The following CERS3 variants were observed in gnomAD, a reference collection of about 807,000 sequenced individuals.
CERS3 encodes ceramide synthase 3.
In CERS3, 33 loss-of-function variants were observed where a neutral mutation model predicts 50.3. The observed-to-expected ratio is 0.66, with a 90% confidence interval of 0.50 to 0.88. The LOEUF is 0.88. Ranked by LOEUF, CERS3 falls within the 40% of genes least tolerant of loss-of-function variation. The pLI is 0.00. For synonymous variants in CERS3, 176 were observed against 155.2 expected, an observed-to-expected ratio of 1.13 and a Z score of -0.99; for missense variants, 470 against 460.3, an observed-to-expected ratio of 1.02 and a Z score of -0.19.
chr15:100,460,601 C>T (rs1244665363), intron 10 of CERS3, among the ~76,000 whole-genome samples: 2 of 152,130 alleles, frequency 1.3e-5, no homozygotes, highest in Non-Finnish European at 2.9e-5. Flanking sequence ...CAAAAGTTTC[C>T]ATGTAATTCT....
chr15:100,503,665 T>C (rs770139461), intron 2 of CERS3: 9 of 470,500 alleles, frequency 1.9e-5, no homozygotes, highest in Admixed American at 4.7e-5. Context: ...GAATGAGGAC[T>C]GGATTTCAAG....
chr15:100,537,741 C>T (rs1397132499), intron 1 of CERS3, among the ~76,000 whole-genome samples: 2 of 152,276 alleles, frequency 1.3e-5, no homozygotes, highest in East Asian at 3.9e-4. Flanking sequence ...GACAACCAAA[C>T]CATATCATCT....
rs1217959206 is a variant in CERS3 at position 100,401,569 on chromosome 15, A to G, written c.*1144T>C. On this transcript the variant is annotated 3_prime_UTR_variant, in exon 12 of 12. Coordinates refer to ENST00000679737, the MANE Select transcript of CERS3 (RefSeq NM_001378789.1). ...TTTATGGCCTTTTGTGTTGTGTTTC[A>G]CTGTGATGCAGGCTGATTGGGTTGG... is the stretch of plus-strand genomic sequence containing the variant. The G allele has an allele frequency of 1.3e-5, 2 of 152,162 alleles. No homozygotes were observed. Among genetic ancestry groups the G allele is most frequent in the African/African-American group, 2.4e-5 (1 of 41,380 alleles). The allele number at this position is 152,162 out of a possible 1,614,324, so 9.4% of individuals were successfully genotyped here.
intron 11 of CERS3, among the ~76,000 whole-genome samples, chr15:100,405,861 A>T (rs1267192779): frequency 2.0e-5 from 3 of 152,264 alleles, no homozygotes; most frequent in Non-Finnish European, 4.4e-5. Flanking sequence ...ATTTCTTTTT[A>T]AAAAGCAAAT....
chr15:100,466,663 C>G (rs1409585979), intron 10 of CERS3, among the ~76,000 whole-genome samples: 1 of 66,658 alleles, frequency 1.5e-5, no homozygotes, highest in Non-Finnish European at 5.2e-5. Context: ...TTCCAGCGGA[C>G]AGCCCCCAGC....
intron 11 of CERS3, among the ~76,000 whole-genome samples, chr15:100,421,439 C>A (rs1273020129): frequency 6.6e-6 from 1 of 152,132 alleles, no homozygotes; most frequent in East Asian, 1.9e-4. Context: ...AAAGAGGATA[C>A]AAACAAATGG....
At chr15:100,476,272 C>A in intron 7 of CERS3, 94 bp from the exon 8 acceptor site, 1 of 605,014 alleles carries the variant, frequency 1.7e-6, no homozygotes, top group East Asian at 3.3e-5. Flanking sequence ...TATTTATATC[C>A]CACCAGATTC....
At chr15:100,445,408 T>C (rs2033891301) in intron 11 of CERS3, among the ~76,000 whole-genome samples, 1 of 152,102 alleles carries the variant, frequency 6.6e-6, no homozygotes, top group African/African-American at 2.4e-5. Flanking sequence ...AAATAAATAA[T>C]TTTTGCGGGC....
At chr15:100,482,464 C>A (rs2035338289) in intron 5 of CERS3, among the ~76,000 whole-genome samples, 1 of 152,088 alleles carries the variant, frequency 6.6e-6, no homozygotes, top group African/African-American at 2.4e-5. Context: ...CCGCATCCAC[C>A]CAGCCGGGGA....
intron 11 of CERS3, among the ~76,000 whole-genome samples, chr15:100,411,902 A>G (rs2142060277): frequency 6.6e-6 from 1 of 152,286 alleles, no homozygotes; most frequent in Non-Finnish European, 1.5e-5. Context: ...CCATTCATGT[A>G]TCTTCTTCAG....
At chr15:100,449,037 C>A (rs1210983846) in intron 11 of CERS3, among the ~76,000 whole-genome samples, 1 of 152,214 alleles carries the variant, frequency 6.6e-6, no homozygotes, top group Non-Finnish European at 1.5e-5. Flanking sequence ...CTGCCTACCA[C>A]AACCAGCACA....
chr15:100,438,832 C>T (rs573724850), intron 11 of CERS3, among the ~76,000 whole-genome samples: 4 of 152,366 alleles, frequency 2.6e-5, no homozygotes, highest in South Asian at 2.1e-4. Context: ...CAAGATATCA[C>T]ACAGACATGC....
chr15:100,404,395 A>G (rs1429715239), intron 11 of CERS3, among the ~76,000 whole-genome samples: 1 of 152,240 alleles, frequency 6.6e-6, no homozygotes, highest in Non-Finnish European at 1.5e-5. Context: ...GTATACATCT[A>G]ACAAACCATG....
chr15:100,410,692 A>G (rs74038769), intron 11 of CERS3, among the ~76,000 whole-genome samples: 10,046 of 152,188 alleles, frequency 0.066, 722 homozygotes, highest in African/African-American at 0.18. Flanking sequence ...TCACATGGTA[A>G]TTAACTTTGT....
rs950477032 is a variant in CERS3 at position 100,402,580 on chromosome 15, C to T, written c.*133G>A. The T allele has an allele frequency of 1.3e-5, 11 of 827,280 alleles. No individual in the cohort carries two copies. Among genetic ancestry groups the T allele is most frequent in the Non-Finnish European group, 2.1e-5 (11 of 536,334 alleles). The allele number at this position is 827,280 out of a possible 1,614,324, so 51.2% of individuals were successfully genotyped here. On this transcript the variant is annotated 3_prime_UTR_variant, in exon 12 of 12. Coordinates refer to ENST00000679737, the MANE Select transcript of CERS3 (RefSeq NM_001378789.1). ...CAAGTTAACAACATTTTGGTAAACA[C>T]ATCTTAGGTGGGAGGGAAGGCGGTG...
chr15:100,465,581 A>C (rs1236937597), intron 10 of CERS3, among the ~76,000 whole-genome samples: 1 of 152,204 alleles, frequency 6.6e-6, no homozygotes, highest in Non-Finnish European at 1.5e-5. Context: ...GTTTTTCTCA[A>C]CTTTCCAAAC....
chr15:100,406,377 A>C (rs1357854708), intron 11 of CERS3, among the ~76,000 whole-genome samples: 2 of 152,220 alleles, frequency 1.3e-5, no homozygotes, highest in African/African-American at 4.8e-5. Context: ...CTGCAGACTA[A>C]AACTGGCCAC....
intron 1 of CERS3, among the ~76,000 whole-genome samples, chr15:100,540,104 C>T (rs1442728789): frequency 2.0e-5 from 3 of 152,190 alleles, no homozygotes; most frequent in African/African-American, 7.2e-5. Context: ...CCATGTGCCC[C>T]ACCTTACTGT....
At chr15:100,528,622 G>A (rs186343278) in intron 1 of CERS3, among the ~76,000 whole-genome samples, 191 bp downstream of exon 1, 2 of 152,244 alleles carry the variant, frequency 1.3e-5, no homozygotes, top group African/African-American at 4.8e-5. Context: ...TGTCTTTTCT[G>A]TATTTCTCCC....
Sources: allele counts gnomAD v4.1 joint callset (sites outside exome capture counted in the v4.1 genomes callset), GRCh38; gene constraint gnomAD v4.1.1; transcripts MANE v1.5; gene names NCBI Gene and HGNC (gene_info 2026-07-23, HGNC 2026-07-21).